The following SPEF1 variants were observed in gnomAD, a reference collection of about 807,000 sequenced individuals.
SPEF1 encodes the protein sperm flagella and cilia-associated protein 1.
A neutral mutation model predicts 31.8 loss-of-function variants in SPEF1; 30 were observed. That is an observed-to-expected ratio of 0.94 (90% CI 0.70 to 1.28). The LOEUF is 1.28. SPEF1 is among the 50% of genes most tolerant of loss of function. The probability of loss-of-function intolerance (pLI) is 0.00; values close to 1 mark genes in which losing one functional copy is unlikely to be tolerated. For synonymous variants in SPEF1, 126 were observed against 130.1 expected (o/e 0.97, Z 0.21); for missense variants, 298 against 309.6 (o/e 0.96, Z 0.28).
intron 1 of SPEF1, 143 bp downstream of exon 1, chr20:3,781,036 C>G: frequency 9.7e-7 from 1 of 1,032,434 alleles, no homozygotes; most frequent in South Asian, 1.6e-5. Context: ...AAATAGAAAA[C>G]AAGCACACAC....
In SPEF1 at chr20:3,779,710, C is replaced by T. The variant is rs201214511; in HGVS notation, c.175G>A (p.Ala59Thr). 45 of 1,613,410 alleles carry T rather than the reference C, an allele frequency of 2.8e-5. No individual in the cohort carries two copies. The highest frequency in any genetic ancestry group is 3.5e-5 in the Non-Finnish European group (41 of 1,179,828). The change falls in exon 2 of 7, where the codon GCC becomes ACC. Residue 59 changes from alanine (A) to threonine (T), a missense_variant. By Grantham distance (58) the Ala-to-Thr change is moderately conservative. Transcript: ENST00000379756. ...KMVEMHNYVP[A>T]NSLQQKLSNW... ...CTGAGCTTCTGCTGGAGAGAGTTGG[C>T]GGGGACATAATTGTGCATCTCCACC...
At position 3,781,370 on chromosome 20, in the gene SPEF1, A is replaced by G. The variant is rs1445209630; in HGVS notation, c.-83T>C. 95 of 1,533,578 alleles carry G rather than the reference A, an allele frequency of 6.2e-5. No homozygotes were observed. The South Asian group carries it at 7.3e-4, about 12-fold the overall frequency. The allele number at this position is 1,533,578 out of a possible 1,614,324, so 95.0% of individuals were successfully genotyped here. On this transcript the variant is annotated 5_prime_UTR_variant, in exon 1 of 7. Transcript: ENST00000379756. ...CCCTTCAGGCGCTTCCTTTCTCGCC[A>G]CTGCAGAAGCCCATAACTGCCTCTG...
intron 6 of SPEF1, 26 bp downstream of exon 6, chr20:3,778,395 A>G: frequency 6.2e-7 from 1 of 1,613,622 alleles, no homozygotes. Flanking sequence ...GCGAGCCCCC[A>G]CCCGCAGCCT....
At chr20:3,780,807 C>T (rs966560367) in intron 1 of SPEF1, among the ~76,000 whole-genome samples, 1 of 152,138 alleles carries the variant, frequency 6.6e-6, no homozygotes, top group African/African-American at 2.4e-5. Flanking sequence ...CAAGACTAAA[C>T]ATGTCAACAC....
Position 3,781,413 on chromosome 20 carries a change from C to T in SPEF1, c.-126G>A. ...TGCCTCTGCCTGCCTAATCCAGAGACTCACGTCCCAGCTGGGAGCGGCCAT... is the reference window on the plus strand; with the variant it reads ...TGCCTCTGCCTGCCTAATCCAGAGATTCACGTCCCAGCTGGGAGCGGCCAT... On this transcript the variant is annotated 5_prime_UTR_variant, in exon 1 of 7. Transcript: ENST00000379756. 1.4e-6 allele frequency: 2 copies of T among 1,392,464 alleles called. No homozygotes were observed. Among genetic ancestry groups the T allele is most frequent in the Non-Finnish European group, 1.9e-6 (2 of 1,048,644 alleles). 86.3% of individuals were successfully genotyped at this position (1,392,464 alleles called of 1,614,324 possible).
chr20:3,779,767 C>G lies in SPEF1; in HGVS notation c.118G>C (p.Ala40Pro). 2 of 1,587,484 alleles carry G rather than the reference C, an allele frequency of 1.3e-6. No individual in the cohort carries two copies. The highest frequency in any genetic ancestry group is 2.2e-5 in the South Asian group (2 of 90,640). The stretch of plus-strand genomic sequence containing the variant: ...GGGAAGTAAAACTTGATGACCTCTG[C>G]AACAAGGACTGAGGGAGAGGGGAGC... The part of the protein sequence containing the change: ...SRDFSDGVLV[A>P]EVIKFYFPKM... Residue 40 changes from alanine (A) to proline (P), a missense_variant, in exon 2 of 7, where the codon GCA becomes CCA. By Grantham distance (27) the Ala-to-Pro change is conservative. Coordinates refer to ENST00000379756, the MANE Select transcript of SPEF1 (RefSeq NM_015417.5).
Position 3,779,186 on chromosome 20 carries a change from G to T in SPEF1, c.378+10C>A. The T allele has an allele frequency of 6.4e-7, 1 of 1,560,826 alleles. No homozygotes were observed. Among genetic ancestry groups the T allele is most frequent in the Non-Finnish European group, 8.7e-7 (1 of 1,149,580 alleles). ...CCAGAGCAGTGGGAGAAGCTGGAGC[G>T]GGGTGGCACCTGTAAGGAGCCGGCG... On this transcript the variant is annotated intron_variant, in intron 3 of 6. Coordinates refer to ENST00000379756, the MANE Select transcript of SPEF1 (RefSeq NM_015417.5).
chr20:3,778,389 G>A, intron 6 of SPEF1, 32 bp downstream of exon 6: 1 of 1,613,750 alleles, frequency 6.2e-7, no homozygotes, highest in Non-Finnish European at 8.5e-7. Context: ...CTGGCCGCGA[G>A]CCCCCACCCG....
chr20:3,778,872 T>G, intron 4 of SPEF1, 66 bp from the exon 5 acceptor site: 1 of 1,611,558 alleles, frequency 6.2e-7, no homozygotes, highest in South Asian at 1.1e-5. Context: ...CCCTCCCTAC[T>G]TCCACTCTCA....
chr20:3,779,025 G>C, intron 3 of SPEF1, 35 bp from the exon 4 acceptor site: 1 of 1,613,870 alleles, frequency 6.2e-7, no homozygotes, highest in African/African-American at 1.3e-5. Flanking sequence ...GTAAGCCCGG[G>C]CTCAGTCATC....
Position 3,781,268 on chromosome 20 carries a change from T to C in SPEF1, c.20A>G (p.Glu7Gly). MASSVD[E>G]EALHQLYLWV... Reference sequence around the variant, plus strand: ...CAGGTACAGCTGGTGCAGCGCCTCCTCGTCCACGCTGCTCGCCATTGGCGT... The same window carrying C: ...CAGGTACAGCTGGTGCAGCGCCTCCCCGTCCACGCTGCTCGCCATTGGCGT... Residue 7 changes from glutamate (E) to glycine (G), a missense_variant, in exon 1 of 7, where the codon GAG becomes GGG. Physicochemically the swap from Glu to Gly is moderately conservative, Grantham distance 98. Coordinates refer to ENST00000379756, the MANE Select transcript of SPEF1 (RefSeq NM_015417.5). The C allele has an allele frequency of 6.2e-7, 1 of 1,614,062 alleles. No homozygotes were observed. The highest frequency in any genetic ancestry group is 8.5e-7 in the Non-Finnish European group (1 of 1,179,980).
At position 3,778,970 on chromosome 20, in the gene SPEF1, G is replaced by A. The variant is rs1433424704; in HGVS notation, c.399C>T (p.Gly133=). The A allele has an allele frequency of 6.2e-7, 1 of 1,614,202 alleles. No individual in the cohort carries two copies. Among genetic ancestry groups the A allele is most frequent in the Non-Finnish European group, 8.5e-7 (1 of 1,180,006 alleles). Residue 133 remains glycine, a synonymous_variant, in exon 4 of 7, where the codon GGC becomes GGT. Coordinates refer to ENST00000379756, the MANE Select transcript of SPEF1 (RefSeq NM_015417.5). ...CCTTACCCACATCCATGTAGCCACT[G>A]CCATCCTGGGGAGCCAGCTCCTGAA... is the stretch of plus-strand genomic sequence containing the variant. ...GSLQELAPQD[G]SGYMDVGVSQ...
intron 6 of SPEF1, 37 bp downstream of exon 6, chr20:3,778,384 C>T: frequency 6.2e-7 from 1 of 1,613,626 alleles, no homozygotes; most frequent in Non-Finnish European, 8.5e-7. Context: ...CTCTGCTGGC[C>T]GCGAGCCCCC....
chr20:3,778,997 G>A lies in SPEF1; in HGVS notation c.379-7C>T. The A allele has an allele frequency of 6.2e-7, 1 of 1,614,146 alleles. No individual in the cohort carries two copies. The highest frequency in any genetic ancestry group is 1.6e-4 in the Middle Eastern group (1 of 6,062). On this transcript the variant is annotated splice_polypyrimidine_tract_variant and splice_region_variant and intron_variant, in intron 3 of 6. Coordinates refer to ENST00000379756, the MANE Select transcript of SPEF1 (RefSeq NM_015417.5). ...CATCCTGGGGAGCCAGCTCCTGAAAGAACCCCGGGGGTCCGCTGTAAGCCC... is the reference window on the plus strand; with the variant it reads ...CATCCTGGGGAGCCAGCTCCTGAAAAAACCCCGGGGGTCCGCTGTAAGCCC...
rs201459395 is a variant in SPEF1, at chr20:3,780,415, T to TGC, written c.110-642_110-641dup. Among the ~76,000 whole-genome samples the TGC allele has an allele frequency of 9.1e-3, 992 of 108,796 alleles. 11 individuals are homozygous for TGC. The highest frequency in any genetic ancestry group is 0.036 in the African/African-American group (893 of 24,854). 71.4% of individuals were successfully genotyped at this position (108,796 alleles called of 152,430 possible). On this transcript the variant is annotated intron_variant, in intron 1 of 6. Transcript: ENST00000379756. ...CCAGGGAATTCACATGGATGCATGA[T>TGC]GCACACACACACACACACACACACA...
At chr20:3,778,834 T>C (rs2088762408) in intron 4 of SPEF1, 28 bp from the exon 5 acceptor site, 4 of 1,613,010 alleles carry the variant, frequency 2.5e-6, no homozygotes, top group African/African-American at 1.3e-5. Flanking sequence ...GAGGAATGAC[T>C]GTGCTGGAGT....
At position 3,779,748 on chromosome 20, in the gene SPEF1, T is replaced by G; in HGVS notation, c.137A>C (p.Tyr46Ser). Residue 46 changes from tyrosine (Y) to serine (S), a missense_variant, in exon 2 of 7, where the codon TAC (tyrosine) becomes TCC (serine). By Grantham distance (144) the Tyr-to-Ser change is moderately radical. Transcript: ENST00000379756. The part of the protein sequence containing the change: ...GVLVAEVIKF[Y>S]FPKMVEMHNY... ...GTGCATCTCCACCATCTTGGGGAAG[T>G]AAAACTTGATGACCTCTGCAACAAG... 6.2e-7 allele frequency: 1 copy of G among 1,607,556 alleles called. No individual in the cohort carries two copies. Among genetic ancestry groups the G allele is most frequent in the Non-Finnish European group, 8.5e-7 (1 of 1,178,484 alleles).
chr20:3,779,544 TG>T, intron 2 of SPEF1, 119 bp downstream of exon 2: 1 of 925,276 alleles, frequency 1.1e-6, no homozygotes, highest in Non-Finnish European at 1.7e-6. Context: ...AAGAGTCTCT[TG>T]ATTTTGTAAT....
chr20:3,778,789 G>C lies in SPEF1; in HGVS notation c.436C>G (p.Arg146Gly), dbSNP rs1337599759. 6 of 1,613,958 alleles carry C rather than the reference G, an allele frequency of 3.7e-6. No individual in the cohort carries two copies. The highest frequency in any genetic ancestry group is 5.1e-6 in the Non-Finnish European group (6 of 1,179,966). The change falls in exon 5 of 7, where the codon CGA becomes GGA. Residue 146 changes from arginine (R) to glycine (G), a missense_variant. Transcript: ENST00000379756. ...YMDVGVSQKA[R>G]GEGVPDPQGG... The stretch of plus-strand genomic sequence containing the variant: ...TGGGGGTCCGGGACACCTTCACCTC[G>C]GGCCTTCTGGGATACACCTGAGACA...
Sources: allele counts gnomAD v4.1 joint callset (sites outside exome capture counted in the v4.1 genomes callset), GRCh38; gene constraint gnomAD v4.1.1; transcripts MANE v1.5; gene names NCBI Gene and HGNC (gene_info 2026-07-23, HGNC 2026-07-21).